Variants in NIM1K observed in about 807,000 individuals in gnomAD.
The protein encoded by NIM1K is NIM1 serine/threonine protein kinase, also known as serine/threonine-protein kinase NIM1.
Under a neutral mutation model 37.1 loss-of-function variants are expected in NIM1K, and 35 were observed. That is an observed-to-expected ratio of 0.94 (90% CI 0.72 to 1.25). NIM1K has a LOEUF of 1.25. NIM1K is among the 50% of genes most tolerant of loss of function. The pLI is 0.00. For synonymous variants in NIM1K, 234 were observed against 206.6 expected (o/e 1.13, Z -1.14); for missense variants, 564 against 548.0 (o/e 1.03, Z -0.29).
intron 3 of NIM1K, among the ~76,000 whole-genome samples, chr5:43,277,660 G>A (rs1041517858): frequency 6.6e-6 from 1 of 151,698 alleles, no homozygotes; most frequent in Non-Finnish European, 1.5e-5. Flanking sequence ...CTGCTTCTTG[G>A]TTTTGCTTTC....
rs1752772031 is a variant in NIM1K at position 43,245,896 on chromosome 5, C to G, written c.121C>G (p.Gln41Glu). Residue 41 changes from glutamine (Q) to glutamate (E), a missense_variant, in exon 2 of 4, where the codon CAG (glutamine) becomes GAG (glutamate). Physicochemically the swap from Gln to Glu is conservative, Grantham distance 29. Coordinates refer to ENST00000326035, the MANE Select transcript of NIM1K (RefSeq NM_153361.4). ...TESSKEGEEG[Q>E]PRQLTPFEKL... ...GAGTAGCAAGGAGGGTGAGGAGGGA[C>G]AGCCCCGCCAGCTGACGCCCTTCGA... The G allele has an allele frequency of 1.2e-6, 2 of 1,614,104 alleles. No individual in the cohort carries two copies. The highest frequency in any genetic ancestry group is 1.7e-6 in the Non-Finnish European group (2 of 1,180,000).
chr5:43,252,168 T>G (rs1752875740), intron 2 of NIM1K, among the ~76,000 whole-genome samples: 1 of 152,224 alleles, frequency 6.6e-6, no homozygotes, highest in Admixed American at 6.5e-5. Context: ...ACTGACTTAC[T>G]TCTCGGGTTC....
At chr5:43,217,859 G>A (rs373084083) in intron 1 of NIM1K, among the ~76,000 whole-genome samples, 5 of 151,938 alleles carry the variant, frequency 3.3e-5, no homozygotes, top group East Asian at 3.9e-4. Context: ...TTACAGGTGT[G>A]TGCCACCATG....
chr5:43,202,655 C>T (rs1752047426), intron 1 of NIM1K, among the ~76,000 whole-genome samples: 1 of 152,172 alleles, frequency 6.6e-6, no homozygotes, highest in Non-Finnish European at 1.5e-5. Flanking sequence ...CAGAGGAAAA[C>T]TGAGATAAGA....
At chr5:43,199,880 GTTA>G (rs1227484174) in intron 1 of NIM1K, among the ~76,000 whole-genome samples, 1 of 152,138 alleles carries the variant, frequency 6.6e-6, no homozygotes, top group East Asian at 1.9e-4. Context: ...TAGTGTGATT[GTTA>G]TTATTATTTT....
intron 1 of NIM1K, among the ~76,000 whole-genome samples, chr5:43,234,233 G>A (rs1424519992): frequency 3.2e-5 from 4 of 125,986 alleles, no homozygotes; most frequent in East Asian, 4.5e-4. Context: ...TTGTCATGTC[G>A]TGTCATTCTT....
chr5:43,234,170 GTTTTGGT>G (rs1480051466), intron 1 of NIM1K, among the ~76,000 whole-genome samples: 1 of 152,114 alleles, frequency 6.6e-6, no homozygotes, highest in Non-Finnish European at 1.5e-5. Context: ...CTTAGTTTTG[GTTTTGGT>G]TTTTGTATCT....
At position 43,209,637 on chromosome 5, in the gene NIM1K, GAC is replaced by G. The variant is rs745421921; in HGVS notation, c.-695+17230_-695+17231del. ...TTATTTTATTTCTTTTGTTTTTTGA[GAC>G]ACAGAGTCTCGCTCTGTTGCCCAGG... On this transcript the variant is annotated intron_variant, in intron 1 of 3. Transcript: ENST00000326035. 2.3e-4 allele frequency among the ~76,000 whole-genome samples: 35 copies of G among 151,282 alleles called. No individual in the cohort carries two copies. In the East Asian group the frequency reaches 6.4e-3, roughly 28 times the overall value.
At chr5:43,268,782 A>G (rs950420998) in intron 2 of NIM1K, among the ~76,000 whole-genome samples, 2 of 151,872 alleles carry the variant, frequency 1.3e-5, no homozygotes, top group Non-Finnish European at 2.9e-5. Flanking sequence ...GATTATTATC[A>G]TTTAAACTAC....
intron 1 of NIM1K, among the ~76,000 whole-genome samples, chr5:43,240,693 C>T (rs1752687750): frequency 6.6e-6 from 1 of 151,728 alleles, no homozygotes; most frequent in Non-Finnish European, 1.5e-5. Flanking sequence ...TGCCGCCATG[C>T]CTGGCTAATT....
At chr5:43,242,466 T>C (rs1230546566) in intron 1 of NIM1K, among the ~76,000 whole-genome samples, 1 of 151,668 alleles carries the variant, frequency 6.6e-6, no homozygotes, top group African/African-American at 2.4e-5. Flanking sequence ...GGGGGAGACT[T>C]GCATTTCGAA....
chr5:43,240,038 A>G (rs572415014), intron 1 of NIM1K, among the ~76,000 whole-genome samples: 2 of 152,110 alleles, frequency 1.3e-5, no homozygotes, highest in Admixed American at 1.3e-4. Context: ...AGGTGGCAAC[A>G]CATTAAATAT....
chr5:43,223,138 CAAAAAAAAAAAAAA>C (rs35802290), intron 1 of NIM1K, among the ~76,000 whole-genome samples: 1 of 85,820 alleles, frequency 1.2e-5, no homozygotes, highest in African/African-American at 4.2e-5. Flanking sequence ...GACTCCATCT[CAAAAAAAAAAAAAA>C]AAAAAAAAGT....
intron 1 of NIM1K, among the ~76,000 whole-genome samples, chr5:43,244,243 T>G (rs777826030): frequency 1.3e-5 from 2 of 152,248 alleles, no homozygotes; most frequent in Non-Finnish European, 2.9e-5. Flanking sequence ...AGTCCAAAAA[T>G]CAAGTTTAAC....
Position 43,255,754 on chromosome 5 carries a change from A to AAAGAAAG in NIM1K, c.292+9689_292+9690insGAAAGAA, listed in dbSNP as rs1554016083. On this transcript the variant is annotated intron_variant, in intron 2 of 3. Transcript: ENST00000326035. ...CAGAGCCAGACTCTGTCTCAAAAAA[A>AAAGAAAG]AAAGAAAGAAAGAAAGAAAGAAAGA... Among the ~76,000 whole-genome samples the AAAGAAAG allele has an allele frequency of 2.1e-3, 277 of 131,894 alleles. 3 individuals are homozygous for AAAGAAAG. Among genetic ancestry groups the AAAGAAAG allele is most frequent in the African/African-American group, 7.5e-3 (267 of 35,678 alleles). 86.5% of individuals were successfully genotyped at this position (131,894 alleles called of 152,430 possible). A position where few individuals can be genotyped will look rare whatever the true frequency, so the allele number is the denominator to read the frequency against.
chr5:43,211,939 A>T (rs566444454), intron 1 of NIM1K, among the ~76,000 whole-genome samples: 2 of 152,340 alleles, frequency 1.3e-5, no homozygotes, highest in South Asian at 2.1e-4. Flanking sequence ...ACCCTTCATC[A>T]AACCACACAT....
At chr5:43,279,259 A>G (rs1753400751) in intron 3 of NIM1K, among the ~76,000 whole-genome samples, 2 of 152,204 alleles carry the variant, frequency 1.3e-5, no homozygotes, top group Non-Finnish European at 1.5e-5. Context: ...CACTTTACAG[A>G]GAAGGAAACT....
intron 2 of NIM1K, among the ~76,000 whole-genome samples, chr5:43,249,012 C>A (rs1178701777): frequency 1.3e-5 from 2 of 151,748 alleles, no homozygotes; most frequent in Non-Finnish European, 2.9e-5. Flanking sequence ...GCTGGGATTA[C>A]AGACATGTGC....
intron 1 of NIM1K, among the ~76,000 whole-genome samples, chr5:43,197,613 T>C (rs1436911848): frequency 6.6e-6 from 1 of 152,184 alleles, no homozygotes; most frequent in Non-Finnish European, 1.5e-5. Context: ...GAGGTACTGA[T>C]TTTTCCACCC....
Sources: allele counts gnomAD v4.1 joint callset (sites outside exome capture counted in the v4.1 genomes callset), GRCh38; gene constraint gnomAD v4.1.1; transcripts MANE v1.5; gene names NCBI Gene and HGNC (gene_info 2026-07-23, HGNC 2026-07-21).